KTN1: variants seen among roughly 807,000 people sequenced by gnomAD.
The protein encoded by KTN1 is kinectin.
KTN1 carries 130 observed loss-of-function variants against 222.5 expected under a neutral mutation model. That is an observed-to-expected ratio of 0.58 (90% CI 0.51 to 0.68). The LOEUF is 0.68. KTN1 is among the 30% of genes least tolerant of loss of function. The pLI is 0.00. For missense variants in KTN1, 1,508 were observed against 1,500.4 expected, an observed-to-expected ratio of 1.01 and a Z score of -0.08; for synonymous variants, 512 against 496.3, an observed-to-expected ratio of 1.03 and a Z score of -0.42.
At chr14:55,606,033 C>G (rs2140518310) in intron 1 of KTN1, among the ~76,000 whole-genome samples, 1 of 151,770 alleles carries the variant, frequency 6.6e-6, no homozygotes, top group East Asian at 1.9e-4. Flanking sequence ...GTTTGGAATG[C>G]CAAGTATTTA....
intron 43 of KTN1, chr14:55,682,033 T>G (rs1393942186): frequency 6.6e-6 from 1 of 152,136 alleles, no homozygotes; most frequent in Admixed American, 6.6e-5. Flanking sequence ...CAAGAAACCT[T>G]TAAAAATATA....
intron 1 of KTN1, among the ~76,000 whole-genome samples, chr14:55,611,634 C>G (rs1244740070): frequency 6.6e-6 from 1 of 152,006 alleles, no homozygotes; most frequent in African/African-American, 2.4e-5. Flanking sequence ...AATAGTACCT[C>G]CTTATTTTCA....
chr14:55,645,926 G>A (rs2042235160), intron 18 of KTN1, among the ~76,000 whole-genome samples: 1 of 151,856 alleles, frequency 6.6e-6, no homozygotes, highest in African/African-American at 2.4e-5. Context: ...AATAAGATTG[G>A]GAAAAACAAA....
chr14:55,626,368 T>C (rs1197947426), intron 5 of KTN1, among the ~76,000 whole-genome samples: 5 of 152,196 alleles, frequency 3.3e-5, no homozygotes, highest in Non-Finnish European at 5.9e-5. Context: ...ATGGTGTTGC[T>C]TTTGCTTCCA....
At position 55,643,062 on chromosome 14, in the gene KTN1, A is replaced by G. The variant is rs181712433; in HGVS notation, c.2172+1302A>G. ...GTAGCTGGGACTACAGGCATATGCC[A>G]CCATGCTCCGCTGATTTTTGTATTT... On this transcript the variant is annotated intron_variant, in intron 18 of 43. Transcript: ENST00000395314. Among the ~76,000 whole-genome samples the G allele has an allele frequency of 4.6e-5, 7 of 152,230 alleles. No homozygotes were observed. In the East Asian group the frequency reaches 1.4e-3, roughly 29 times the overall value.
At chr14:55,643,987 A>C (rs1482017320) in intron 18 of KTN1, among the ~76,000 whole-genome samples, 1 of 152,166 alleles carries the variant, frequency 6.6e-6, no homozygotes, top group East Asian at 1.9e-4. Flanking sequence ...TTATTTGATA[A>C]GGGGGAAACT....
chr14:55,641,440 T>C (rs1229722141), intron 17 of KTN1, among the ~76,000 whole-genome samples: 2 of 152,136 alleles, frequency 1.3e-5, no homozygotes, highest in African/African-American at 4.8e-5. Flanking sequence ...TTTTCTCAGC[T>C]GATAGTTTCT....
Position 55,670,786 on chromosome 14 carries a change from A to G in KTN1, c.3325A>G (p.Thr1109Ala), listed in dbSNP as rs146550320. ...AAAGGCAAAAGAATGTATGGCTGGA[A>G]CTTCAGGGTCAGAGGAGGTTAAGGT... Reference protein sequence around the residue: ...EKKAKECMAGTSGSEEVKVLE... With the variant: ...EKKAKECMAGASGSEEVKVLE... Residue 1109 changes from threonine (T) to alanine (A), a missense_variant, in exon 35 of 44, where the codon ACT becomes GCT. Thr to Ala is a moderately conservative substitution (Grantham distance 58). Transcript: ENST00000395314. 392 of 1,610,474 alleles carry G rather than the reference A, an allele frequency of 2.4e-4. 3 individuals carry two copies. Among genetic ancestry groups the G allele is most frequent in the Middle Eastern group, 1.8e-3 (11 of 6,038 alleles).
chr14:55,588,433 C>T (rs1164959957), intron 1 of KTN1, among the ~76,000 whole-genome samples: 1 of 152,140 alleles, frequency 6.6e-6, no homozygotes, highest in East Asian at 1.9e-4. Context: ...TTACTAGTGG[C>T]ACTTGGCATG....
At chr14:55,611,981 C>CGTTTT (rs561308316) in intron 1 of KTN1, 38 bp from the exon 2 acceptor site, 4 of 768,922 alleles carry the variant, frequency 5.2e-6, no homozygotes, top group African/African-American at 1.9e-5. Context: ...CTGACAGGTT[C>CGTTTT]TTTTTTTTTT....
intron 5 of KTN1, among the ~76,000 whole-genome samples, chr14:55,626,412 T>C (rs1469258657): frequency 6.6e-6 from 1 of 152,186 alleles, no homozygotes; most frequent in Non-Finnish European, 1.5e-5. Flanking sequence ...TCATCTCGTT[T>C]TGTGTTATCT....
intron 34 of KTN1, 74 bp downstream of exon 34, chr14:55,667,404 A>G: frequency 1.2e-6 from 1 of 809,188 alleles, no homozygotes; most frequent in Non-Finnish European, 2.0e-6. Context: ...CATCATTTGC[A>G]CTCCACTTGG....
chr14:55,680,658 C>T (rs1566866849), intron 43 of KTN1: 1 of 1,342,156 alleles, frequency 7.5e-7, no homozygotes, highest in East Asian at 4.6e-5. Context: ...CCATTTTGAT[C>T]TTACAGGAGC....
chr14:55,635,198 A>G (rs925374260), intron 9 of KTN1, among the ~76,000 whole-genome samples: 2 of 152,202 alleles, frequency 1.3e-5, no homozygotes, highest in African/African-American at 4.8e-5. Context: ...CATGTGCCCT[A>G]TTGAAAGAAT....
chr14:55,612,606 G>T, intron 2 of KTN1, 35 bp downstream of exon 2: 2 of 1,504,086 alleles, frequency 1.3e-6, no homozygotes, highest in Non-Finnish European at 1.8e-6. Context: ...TAATTTTATT[G>T]TATGATTTGG....
intron 4 of KTN1, among the ~76,000 whole-genome samples, chr14:55,618,675 A>G (rs2038728643): frequency 6.6e-6 from 1 of 152,184 alleles, no homozygotes; most frequent in Admixed American, 6.6e-5. Flanking sequence ...GAGGTGCTTG[A>G]TGCATGGATT....
chr14:55,642,032 T>C (rs187164897), intron 18 of KTN1, among the ~76,000 whole-genome samples: 12 of 152,342 alleles, frequency 7.9e-5, no homozygotes, highest in Admixed American at 3.3e-4. Context: ...TACATTTGAC[T>C]TTCAGAATAA....
At chr14:55,671,980 C>T in intron 37 of KTN1, 103 bp downstream of exon 37, 1 of 697,830 alleles carries the variant, frequency 1.4e-6, no homozygotes, top group Non-Finnish European at 2.5e-6. Context: ...AACCCAGCTA[C>T]CAAATCCAAA....
intron 2 of KTN1, among the ~76,000 whole-genome samples, chr14:55,613,368 A>G (rs1031814253): frequency 6.6e-6 from 1 of 152,136 alleles, no homozygotes; most frequent in African/African-American, 2.4e-5. Context: ...GATAGGTACA[A>G]TGGAAAAGCC....
Sources: gnomAD v4.1 joint callset for allele counts (sites outside exome capture counted in the v4.1 genomes callset) on GRCh38, gnomAD v4.1.1 for gene constraint, MANE v1.5 for transcripts, NCBI Gene and HGNC (gene_info 2026-07-23, HGNC 2026-07-21) for gene names.